The following NTNG1 variants were observed in gnomAD, a reference collection of about 807,000 sequenced individuals.
The protein encoded by NTNG1 is netrin G1.
NTNG1 carries 16 observed loss-of-function variants against 54.0 expected under a neutral mutation model. That is an observed-to-expected ratio of 0.30 (90% CI 0.20 to 0.45). The LOEUF is 0.45. NTNG1 is among the 20% of genes least tolerant of loss of function. NTNG1 has a pLI of 1.00. For missense variants in NTNG1, 530 were observed against 678.7 expected, an observed-to-expected ratio of 0.78 and a Z score of 2.43; for synonymous variants, 255 against 263.1, an observed-to-expected ratio of 0.97 and a Z score of 0.30.
At chr1:107,434,098 G>A (rs1393720780) in intron 6 of NTNG1, among the ~76,000 whole-genome samples, 1 of 152,080 alleles carries the variant, frequency 6.6e-6, no homozygotes. Flanking sequence ...CTTCATCTAA[G>A]TCTCATCTAC....
intron 2 of NTNG1, among the ~76,000 whole-genome samples, chr1:107,184,607 A>G (rs1387167270): frequency 6.6e-6 from 1 of 152,210 alleles, no homozygotes; most frequent in African/African-American, 2.4e-5. Flanking sequence ...TATCCACTAC[A>G]TTCGACAAAA....
chr1:107,463,850 A>T (rs1301127308), intron 7 of NTNG1, among the ~76,000 whole-genome samples: 2 of 152,144 alleles, frequency 1.3e-5, no homozygotes, highest in African/African-American at 4.8e-5. Context: ...AGCATGTGTG[A>T]CCCTAAAAAT....
intron 2 of NTNG1, among the ~76,000 whole-genome samples, chr1:107,297,222 TATATATATATATATATATATATATGC>T (rs1666019918): frequency 2.9e-5 from 1 of 35,016 alleles, no homozygotes; most frequent in African/African-American, 8.5e-5. Context: ...CCATCATATA[TATATATATATATATATATATATATGC>T]GCACACACAC....
At chr1:107,409,065 C>A (rs1290175914) in intron 5 of NTNG1, 1 of 152,112 alleles carries the variant, frequency 6.6e-6, no homozygotes, top group Non-Finnish European at 1.5e-5. Context: ...GAGATACCAG[C>A]CTAATGCTAC....
chr1:107,477,654 T>C (rs1015855872), intron 7 of NTNG1, among the ~76,000 whole-genome samples: 5 of 152,232 alleles, frequency 3.3e-5, no homozygotes, highest in Non-Finnish European at 7.3e-5. Context: ...TAATCTCCCT[T>C]AATCTTCCCA....
intron 2 of NTNG1, among the ~76,000 whole-genome samples, chr1:107,190,399 GCATCTTTTTGTAC>G (rs1199244332): frequency 6.6e-6 from 1 of 152,002 alleles, no homozygotes; most frequent in Non-Finnish European, 1.5e-5. Flanking sequence ...GAGTTCTTGA[GCATCTTTTTGTAC>G]CATCATTTTT....
Position 107,324,649 on chromosome 1 carries a change from T to C in NTNG1, c.614T>C (p.Ile205Thr), listed in dbSNP as rs1418378144. The C allele has an allele frequency of 3.7e-6, 6 of 1,613,680 alleles. No individual in the cohort carries two copies. The highest frequency in any genetic ancestry group is 4.2e-6 in the Non-Finnish European group (5 of 1,179,830). ...TCACAGCATACGGTCTTAGAAATCA[T>C]TTGCACAGAAGAGTACTCAACAGGG... is the stretch of plus-strand genomic sequence containing the variant. ...DLSQHTVLEIICTEEYSTGYT... is the reference protein window; with the variant it reads ...DLSQHTVLEITCTEEYSTGYT... Residue 205 changes from isoleucine (I) to threonine (T), a missense_variant, in exon 3 of 8, where the codon ATT (isoleucine) becomes ACT (threonine). Around this residue, in one of 2 missense-constraint regions of NTNG1, gnomAD observed 318 missense variants for 465.1 expected, o/e 0.68. Coordinates refer to ENST00000370068, the MANE Select transcript of NTNG1 (RefSeq NM_001113226.3).
At chr1:107,280,157 CTTT>C (rs59501395) in intron 2 of NTNG1, among the ~76,000 whole-genome samples, 1 of 103,942 alleles carries the variant, frequency 9.6e-6, no homozygotes, top group East Asian at 2.7e-4. Flanking sequence ...CGGTGCTAAC[CTTT>C]TTTTTTTTTT....
In NTNG1 at chr1:107,430,851, G is replaced by C; in HGVS notation, c.1189G>C (p.Glu397Gln). ...CKHNTRGQHC[E>Q]LCRLGYFRNA... ...ACACAACACTAGAGGGCAGCACTGTGAGTTATGCAGGCTGGGCTACTTCAG... is the reference window on the plus strand; with the variant it reads ...ACACAACACTAGAGGGCAGCACTGTCAGTTATGCAGGCTGGGCTACTTCAG... The change falls in exon 6 of 8, where the codon GAG becomes CAG. Residue 397 changes from glutamate to glutamine, a missense_variant. Physicochemically the swap from Glu to Gln is conservative, Grantham distance 29. This residue lies in a region of NTNG1 where 212 missense variants were observed against 213.6 expected (regional missense o/e 0.99). Coordinates refer to ENST00000370068, the MANE Select transcript of NTNG1 (RefSeq NM_001113226.3). 6.2e-7 allele frequency: 1 copy of C among 1,613,272 alleles called. No individual in the cohort carries two copies. The highest frequency in any genetic ancestry group is 8.5e-7 in the Non-Finnish European group (1 of 1,179,582).
intron 5 of NTNG1, among the ~76,000 whole-genome samples, chr1:107,426,022 G>C (rs1191994086): frequency 2.0e-5 from 3 of 151,986 alleles, no homozygotes; most frequent in Middle Eastern, 3.4e-3. Flanking sequence ...TTTTTAATGG[G>C]GTTGTTTGTT....
intron 2 of NTNG1, among the ~76,000 whole-genome samples, chr1:107,234,750 T>G (rs1486541136): frequency 2.6e-5 from 4 of 152,196 alleles, no homozygotes; most frequent in African/African-American, 9.7e-5. Flanking sequence ...AAAGCATTGA[T>G]AGTCGGGAAT....
At chr1:107,229,833 G>A (rs530240003) in intron 2 of NTNG1, among the ~76,000 whole-genome samples, 1 of 152,078 alleles carries the variant, frequency 6.6e-6, no homozygotes, top group South Asian at 2.1e-4. Context: ...TGGAAATAGC[G>A]ATGATCCTCT....
At chr1:107,151,807 T>A (rs970712079) in intron 2 of NTNG1, among the ~76,000 whole-genome samples, 2 of 152,162 alleles carry the variant, frequency 1.3e-5, no homozygotes, top group African/African-American at 2.4e-5. Context: ...AAGGAGCATA[T>A]GGATTCCATT....
chr1:107,179,560 T>A (rs1656915598), intron 2 of NTNG1, among the ~76,000 whole-genome samples: 1 of 147,698 alleles, frequency 6.8e-6, no homozygotes, highest in South Asian at 2.1e-4. Flanking sequence ...ATATAAAACA[T>A]TCTTGAACTT....
chr1:107,355,039 T>C (rs1239595993), intron 3 of NTNG1, among the ~76,000 whole-genome samples: 1 of 152,188 alleles, frequency 6.6e-6, no homozygotes, highest in Non-Finnish European at 1.5e-5. Flanking sequence ...TACATGAAAC[T>C]CTTATCATTG....
intron 4 of NTNG1, among the ~76,000 whole-genome samples, chr1:107,406,754 C>T (rs1673450996): frequency 6.6e-6 from 1 of 152,128 alleles, no homozygotes; most frequent in Non-Finnish European, 1.5e-5. Context: ...GAGTGATTTA[C>T]ATCTATCAGT....
At chr1:107,155,994 C>A (rs181007038) in intron 2 of NTNG1, among the ~76,000 whole-genome samples, 2 of 152,244 alleles carry the variant, frequency 1.3e-5, no homozygotes, top group East Asian at 3.9e-4. Context: ...ATAGACTATA[C>A]CATACAGCCT....
At chr1:107,455,954 T>C (rs1444190704) in intron 7 of NTNG1, among the ~76,000 whole-genome samples, 3 of 152,080 alleles carry the variant, frequency 2.0e-5, no homozygotes, top group Non-Finnish European at 4.4e-5. Flanking sequence ...AAAAACAGGA[T>C]CTTTGAAAAC....
intron 2 of NTNG1, among the ~76,000 whole-genome samples, chr1:107,244,436 G>T (rs972759050): frequency 6.6e-6 from 1 of 152,100 alleles, no homozygotes; most frequent in African/African-American, 2.4e-5. Flanking sequence ...TTATGTGCCC[G>T]CATCTGCTGC....
Sources: allele counts gnomAD v4.1 joint callset (sites outside exome capture counted in the v4.1 genomes callset), GRCh38; gene constraint gnomAD v4.1.1; regional missense constraint gnomAD v4.1.1; transcripts MANE v1.5; gene names NCBI Gene and HGNC (gene_info 2026-07-23, HGNC 2026-07-21).